IGSF1: variants seen among roughly 807,000 people sequenced by gnomAD.
The protein encoded by IGSF1 is immunoglobulin-like domain-containing protein 1.
A neutral mutation model predicts 95.3 loss-of-function variants in IGSF1; 40 were observed. That is an observed-to-expected ratio of 0.42 (90% CI 0.33 to 0.55). IGSF1 has a LOEUF of 0.55. Among genes scored for constraint, IGSF1 ranks in the 20% least tolerant of loss-of-function variants. IGSF1 has a pLI of 0.10. For synonymous variants in IGSF1, 372 were observed against 382.9 expected (o/e 0.97, Z 0.33); for missense variants, 906 against 1,025.4 (o/e 0.88, Z 1.59).
At position 131,283,032 on chromosome X, in the gene IGSF1, G is replaced by A. The variant is rs376545217; in HGVS notation, c.900C>T (p.Asp300=). Residue 300 remains aspartate, a synonymous_variant, in exon 6 of 20, where the codon GAC becomes GAT. Coordinates refer to ENST00000361420, the MANE Select transcript of IGSF1 (RefSeq NM_001555.5). ...DTGHYLCFYY[D]ASYRGSLLSD... ...TAAGGAGTGAACCTCTATATGATGCGTCATAGTAAAAACAGAGGTAATGTC... is the reference window on the plus strand; with the variant it reads ...TAAGGAGTGAACCTCTATATGATGCATCATAGTAAAAACAGAGGTAATGTC... 34 of 1,203,945 alleles carry A rather than the reference G, an allele frequency of 2.8e-5. No homozygotes were observed. The highest frequency in any genetic ancestry group is 4.6e-4 in the Middle Eastern group (2 of 4,338).
In IGSF1 at chrX:131,273,906, G is replaced by A; in HGVS notation, c.3901C>T (p.Gln1301Ter). The A allele has an allele frequency of 8.3e-7, 1 of 1,210,358 alleles. No homozygotes were observed. The highest frequency in any genetic ancestry group is 1.1e-6 in the Non-Finnish European group (1 of 894,641). The change falls in exon 20 of 20, where the codon CAG becomes TAG. Residue 1301 changes from glutamine (Q) to a stop codon, truncating the protein, a stop_gained. Transcript: ENST00000361420. LOFTEE classifies it high-confidence loss of function. ...TRGSETDGRD[Q>*]TIALEECNQE... ...TTACACTCTTCAAGGGCAATGGTCT[G>A]GTCTCTTCCGTCTGTCTCTGAGCCT...
chrX:131,273,898 A>G lies in IGSF1; in HGVS notation c.3909T>C (p.Ile1303=). 1 of 1,210,947 alleles carries G rather than the reference A, an allele frequency of 8.3e-7. No individual in the cohort carries two copies. The highest frequency in any genetic ancestry group is 2.2e-5 in the Admixed American group (1 of 46,088). The change falls in exon 20 of 20, where the codon ATT becomes ATC. Residue 1303 remains isoleucine (I), a synonymous_variant. Transcript: ENST00000361420. ...GSETDGRDQT[I]ALEECNQEGE... The stretch of plus-strand genomic sequence containing the variant: ...CTTCTTGGTTACACTCTTCAAGGGC[A>G]ATGGTCTGGTCTCTTCCGTCTGTCT...
At chrX:131,273,990 G>A (rs1244397560) in intron 19 of IGSF1, 59 bp from the exon 20 acceptor site, 4 of 1,198,947 alleles carry the variant, frequency 3.3e-6, no homozygotes, top group African/African-American at 1.8e-5. Flanking sequence ...CAGATTGCAC[G>A]GTGGGGCTCA....
At chrX:131,285,591 C>A in intron 4 of IGSF1, 125 bp from the exon 5 acceptor site, 1 of 851,099 alleles carries the variant, frequency 1.2e-6, no homozygotes, top group Non-Finnish European at 1.6e-6. Context: ...CCCTCCTTCT[C>A]CTATCTCTGC....
chrX:131,288,219 G>A (rs2080669066), intron 1 of IGSF1, among the ~76,000 whole-genome samples: 1 of 112,394 alleles, frequency 8.9e-6, no homozygotes, highest in African/African-American at 3.2e-5. Flanking sequence ...TAACATTATT[G>A]TTGTGTTGGG....
At position 131,286,761 on chromosome X, in the gene IGSF1, T is replaced by C; in HGVS notation, c.-67-20A>G. 1 of 796,914 alleles carries C rather than the reference T, an allele frequency of 1.3e-6. No homozygotes were observed. The allele number at this position is 796,914 out of a possible 1,213,427, so 65.7% of individuals were successfully genotyped here. A position where few individuals can be genotyped will look rare whatever the true frequency, so the allele number is the denominator to read the frequency against. On this transcript the variant is annotated intron_variant, in intron 1 of 19. Transcript: ENST00000361420. The stretch of plus-strand genomic sequence containing the variant: ...TGGGATCTAAAAGCAGAATTGTTTT[T>C]ACTCAGAGGACTTGTCCTGCTCCTT...
chrX:131,275,323 C>T, intron 16 of IGSF1, 37 bp from the exon 17 acceptor site: 1 of 1,187,265 alleles, frequency 8.4e-7, no homozygotes. Context: ...GAGAAGAGGT[C>T]ACTTTCCAGT....
At chrX:131,289,178 A>T in intron 1 of IGSF1, 36 bp downstream of exon 1, 1 of 375,095 alleles carries the variant, frequency 2.7e-6, no homozygotes, top group South Asian at 2.3e-5. Context: ...TTTAATATTC[A>T]GCCACTGAAC....
rs776279784 is a variant in IGSF1, at chrX:131,283,064, C to G, written c.868G>C (p.Asp290His). Reference protein sequence around the residue: ...NFFFQSLKIQDTGHYLCFYYD... With the variant: ...NFFFQSLKIQHTGHYLCFYYD... ...TAAAAACAGAGGTAATGTCCAGTAT[C>G]TTGGATCTTCAAAGACTGGAAGAAG... The change falls in exon 6 of 20, where the codon GAT becomes CAT. Residue 290 changes from aspartate to histidine, a missense_variant. By Grantham distance (81) the Asp-to-His change is moderately conservative. This residue lies in a region of IGSF1 where 442 missense variants were observed against 448.1 expected (regional missense o/e 0.99). Transcript: ENST00000361420. 2 of 1,203,921 alleles carry G rather than the reference C, an allele frequency of 1.7e-6. No homozygotes were observed. The highest frequency in any genetic ancestry group is 2.3e-6 in the Non-Finnish European group (2 of 888,112).
intron 2 of IGSF1, 47 bp downstream of exon 2, chrX:131,286,558 G>A (rs2080640835): frequency 8.5e-7 from 1 of 1,180,560 alleles, no homozygotes; most frequent in Non-Finnish European, 1.2e-6. Context: ...TAATGAGTGG[G>A]TACCTATGAC....
At chrX:131,274,322 G>T in intron 18 of IGSF1, 116 bp from the exon 19 acceptor site, 1 of 961,488 alleles carries the variant, frequency 1.0e-6, no homozygotes, top group Non-Finnish European at 1.4e-6. Context: ...GGAGCCATCT[G>T]TTCAGACTAC....
At position 131,288,416 on chromosome X, in the gene IGSF1, C is replaced by T. The variant is rs367658648; in HGVS notation, c.-68+798G>A. On this transcript the variant is annotated intron_variant, in intron 1 of 19. Coordinates refer to ENST00000361420, the MANE Select transcript of IGSF1 (RefSeq NM_001555.5). The stretch of plus-strand genomic sequence containing the variant: ...GGGCCAGGCCAAAGCTTGGATGCTA[C>T]CCTGTTGCTTTGTTACCCTGGGGCT... Among the ~76,000 whole-genome samples, 220 of 111,573 alleles carry T rather than the reference C, an allele frequency of 2.0e-3. 1 individual carries two copies. Among genetic ancestry groups the T allele is most frequent in the African/African-American group, 6.9e-3 (212 of 30,715 alleles).
At chrX:131,287,187 A>G (rs1051854684) in intron 1 of IGSF1, among the ~76,000 whole-genome samples, 35 of 104,906 alleles carry the variant, frequency 3.3e-4, no homozygotes, top group Middle Eastern at 5.1e-3. Flanking sequence ...GTATATATAT[A>G]TATAGAGAGA....
Position 131,275,399 on chromosome X carries a change from C to G in IGSF1, c.3184+79G>C. ...AATTGGTTGCCTCTCCTCGAGCTCT[C>G]TGAAAACTATCTCCCATGAACTAGT... On this transcript the variant is annotated intron_variant, in intron 16 of 19. Transcript: ENST00000361420. The G allele has an allele frequency of 2.6e-6, 3 of 1,146,854 alleles. No individual in the cohort carries two copies. In the Admixed American group the frequency reaches 6.8e-5, roughly 26 times the overall value. 94.5% of individuals were successfully genotyped at this position (1,146,854 alleles called of 1,213,427 possible).
chrX:131,284,986 G>T, intron 5 of IGSF1, 193 bp downstream of exon 5: 1 of 807,250 alleles, frequency 1.2e-6, no homozygotes, highest in Non-Finnish European at 1.6e-6. Flanking sequence ...CAAATGATTG[G>T]CTCCCATACA....
chrX:131,279,407 C>T lies in IGSF1; in HGVS notation c.1647-66G>A, dbSNP rs772859443. 8.5e-4 allele frequency: 798 copies of T among 934,116 alleles called. 3 individuals are homozygous for T. The highest frequency in any genetic ancestry group is 1.4e-3 in the Middle Eastern group (5 of 3,595). 77.0% of individuals were successfully genotyped at this position (934,116 alleles called of 1,213,427 possible). A position where few individuals can be genotyped will look rare whatever the true frequency, so the allele number is the denominator to read the frequency against. ...GAGGGGGAGGGTGGAGGAAAGGGGG[C>T]GGCAATTTATGTCATTGGCTTACTC... On this transcript the variant is annotated intron_variant, in intron 9 of 19. Coordinates refer to ENST00000361420, the MANE Select transcript of IGSF1 (RefSeq NM_001555.5).
intron 10 of IGSF1, 28 bp from the exon 11 acceptor site, chrX:131,279,203 G>A: frequency 3.3e-6 from 4 of 1,210,290 alleles, no homozygotes; most frequent in Non-Finnish European, 4.5e-6. Flanking sequence ...GCCAGGACTC[G>A]GCCCCCTCCC....
chrX:131,285,959 G>T lies in IGSF1; in HGVS notation c.187C>A (p.Arg63=), dbSNP rs751377228. The T allele has an allele frequency of 6.6e-6, 8 of 1,209,107 alleles. No individual in the cohort carries two copies. In the South Asian group the frequency reaches 1.4e-4, roughly 21 times the overall value. Residue 63 remains arginine (R), a synonymous_variant, in exon 4 of 20, where the codon CGG becomes AGG. Coordinates refer to ENST00000361420, the MANE Select transcript of IGSF1 (RefSeq NM_001555.5). ...AGCAGCAGGAACTTGCTTGATATCC[G>T]AGAGGGGCTTCGGCACCAAAGCGTG... ...NITLWCRSPS[R]ISSKFLLLKD... is the part of the protein sequence containing the mutation.
In IGSF1 at chrX:131,275,186, T is replaced by C. The variant is rs781110112; in HGVS notation, c.3285A>G (p.Thr1095=). The C allele has an allele frequency of 8.3e-7, 1 of 1,211,639 alleles. No homozygotes were observed. Among genetic ancestry groups the C allele is most frequent in the South Asian group, 1.8e-5 (1 of 56,985 alleles). The change falls in exon 17 of 20, where the codon ACA becomes ACG. Residue 1095 remains threonine (T), a synonymous_variant. Coordinates refer to ENST00000361420, the MANE Select transcript of IGSF1 (RefSeq NM_001555.5). ...GAGCCCCCTCCTTCAACAGGACAAA[T>C]GTTGAGTCTGGCAGTTCCCCTTGAC... ...LQCQGELPDS[T]FVLLKEGAQE...
Sources: allele counts gnomAD v4.1 joint callset (sites outside exome capture counted in the v4.1 genomes callset), GRCh38; gene constraint gnomAD v4.1.1; regional missense constraint gnomAD v4.1.1; transcripts MANE v1.5; gene names NCBI Gene and HGNC (gene_info 2026-07-23, HGNC 2026-07-21).